ADAMTSL1: variants seen among roughly 807,000 people sequenced by gnomAD.
ADAMTSL1 encodes ADAMTS-like protein 1.
A neutral mutation model predicts 201.8 loss-of-function variants in ADAMTSL1; 126 were observed. That is an observed-to-expected ratio of 0.62 (90% confidence interval 0.54 to 0.72). ADAMTSL1 has a LOEUF of 0.72. ADAMTSL1 is among the 30% of genes least tolerant of loss of function. The pLI, the probability that ADAMTSL1 is intolerant of heterozygous loss-of-function variation, is 0.00. For missense variants in ADAMTSL1, 2,679 were observed against 2,277.8 expected (o/e 1.18, Z -3.59); for synonymous variants, 1,121 against 903.4 (o/e 1.24, Z -4.32).
rs555889116 is a variant in ADAMTSL1 at position 18,179,473 on chromosome 9, C to A, written c.207+15492C>A. ...CTCTGCAGGATATTATCCAGGAGAA[C>A]TTCCCCAATCTAGCAAGGCAGGCCA... On this transcript the variant is annotated intron_variant, in intron 2 of 29. Coordinates refer to the ADAMTSL1 transcript ENST00000680146. Among the ~76,000 whole-genome samples, 635 of 152,282 alleles carry A rather than the reference C, an allele frequency of 4.2e-3. 6 individuals are homozygous for A. Among genetic ancestry groups the A allele is most frequent in the African/African-American group, 0.015 (614 of 41,562 alleles).
intron 1 of ADAMTSL1, among the ~76,000 whole-genome samples, chr9:18,110,367 A>C (rs543802338): frequency 5.3e-5 from 8 of 152,310 alleles, no homozygotes; most frequent in South Asian, 2.1e-4. Context: ...CGAATGCTGC[A>C]GGTAGGGAAA....
intron 2 of ADAMTSL1, among the ~76,000 whole-genome samples, chr9:18,464,359 T>C (rs1439282319): frequency 6.6e-6 from 1 of 152,242 alleles, no homozygotes; most frequent in Non-Finnish European, 1.5e-5. Context: ...AACAAAAACC[T>C]GTACAAATGA....
chr9:18,590,483 C>T (rs943972347), intron 4 of ADAMTSL1, among the ~76,000 whole-genome samples: 34 of 151,466 alleles, frequency 2.2e-4, no homozygotes, highest in Non-Finnish European at 4.3e-4. Flanking sequence ...TTTTGTTGAC[C>T]TTTTGTATTA....
At chr9:18,851,517 A>T (rs1826491417) in intron 23 of ADAMTSL1, among the ~76,000 whole-genome samples, 1 of 152,180 alleles carries the variant, frequency 6.6e-6, no homozygotes, top group Non-Finnish European at 1.5e-5. Flanking sequence ...AGCAGAAGTG[A>T]AAGTTTCTTA....
intron 1 of ADAMTSL1, among the ~76,000 whole-genome samples, chr9:18,477,630 T>A (rs1370631050): frequency 6.6e-6 from 1 of 152,240 alleles, no homozygotes; most frequent in African/African-American, 2.4e-5. Flanking sequence ...TCTACACAGA[T>A]TTCTTTTTCT....
intron 1 of ADAMTSL1, among the ~76,000 whole-genome samples, chr9:17,982,667 G>A (rs1456241293): frequency 6.6e-6 from 1 of 152,132 alleles, no homozygotes; most frequent in Admixed American, 6.6e-5. Context: ...ATATAGTCCA[G>A]CAAACTGAGT....
chr9:18,375,178 G>A (rs1005131374), intron 2 of ADAMTSL1, among the ~76,000 whole-genome samples: 12 of 152,150 alleles, frequency 7.9e-5, no homozygotes, highest in East Asian at 3.9e-4. Context: ...CCTCAGTTCC[G>A]CATTAGGAGA....
At chr9:18,698,757 A>G (rs377046634) in intron 13 of ADAMTSL1, among the ~76,000 whole-genome samples, 12 of 152,356 alleles carry the variant, frequency 7.9e-5, no homozygotes, top group African/African-American at 2.6e-4. Context: ...ATTATTTTGA[A>G]TGCCATTGGA....
In ADAMTSL1 at chr9:18,406,383, C is replaced by T. The variant is rs929955497; in HGVS notation, c.208-98446C>T. On this transcript the variant is annotated intron_variant, in intron 2 of 29. Transcript: ENST00000680146. ...TCACTCTGTCGCCCAGGCTGGAGTG[C>T]GGTGGCATGATCTCGGCTCACTGCA... Among the ~76,000 whole-genome samples the T allele has an allele frequency of 4.3e-5, 6 of 140,694 alleles. No individual in the cohort carries two copies. In the South Asian group the frequency reaches 8.8e-4, roughly 21 times the overall value. 92.3% of individuals were successfully genotyped at this position (140,694 alleles called of 152,430 possible).
intron 7 of ADAMTSL1, among the ~76,000 whole-genome samples, chr9:18,649,293 AT>A (rs1248321954): frequency 2.0e-5 from 3 of 151,470 alleles, no homozygotes; most frequent in African/African-American, 7.3e-5. Flanking sequence ...ATTTGTCTAA[AT>A]TTTTTTCAAA....
chr9:18,684,712 T>C lies in ADAMTSL1; in HGVS notation c.1490-4T>C, dbSNP rs747457897. 1.2e-6 allele frequency: 2 copies of C among 1,612,496 alleles called. No individual in the cohort carries two copies. The highest frequency in any genetic ancestry group is 1.7e-6 in the Non-Finnish European group (2 of 1,179,468). On this transcript the variant is annotated splice_polypyrimidine_tract_variant and splice_region_variant and intron_variant, in intron 12 of 28. Coordinates refer to ENST00000380548, the MANE Select transcript of ADAMTSL1 (RefSeq NM_001040272.6). ...TTTTGTATGTGCATGCACTGAATTC[T>C]CAGAGAAACTTCCAGTCGAGGCCAA... is the stretch of plus-strand genomic sequence containing the variant.
chr9:18,085,490 T>C (rs1823712626), intron 1 of ADAMTSL1, among the ~76,000 whole-genome samples: 1 of 151,494 alleles, frequency 6.6e-6, no homozygotes, highest in Non-Finnish European at 1.5e-5. Flanking sequence ...TGCATATATA[T>C]ATATATATAC....
intron 9 of ADAMTSL1, among the ~76,000 whole-genome samples, chr9:18,668,045 A>C (rs1018725392): frequency 3.9e-5 from 6 of 152,112 alleles, no homozygotes; most frequent in Non-Finnish European, 7.4e-5. Context: ...CAAAAAAAAA[A>C]CTCAGTGTAA....
In ADAMTSL1 at chr9:18,905,869, G is replaced by A. The variant is rs1179082867; in HGVS notation, c.4939G>A (p.Glu1647Lys). The change falls in exon 27 of 29, where the codon GAG becomes AAG. Residue 1647 changes from glutamate to lysine, a missense_variant. Transcript: ENST00000380548. ...QTRDGITLPS[E>K]QCSALPRPVS... ...ACGGGATGGCATCACCTTACCATCAGAGCAGTGCAGTGCTCTTCCGAGGTA... is the reference window on the plus strand; with the variant it reads ...ACGGGATGGCATCACCTTACCATCAAAGCAGTGCAGTGCTCTTCCGAGGTA... The A allele has an allele frequency of 1.2e-6, 2 of 1,612,684 alleles. No homozygotes were observed. The highest frequency in any genetic ancestry group is 2.2e-5 in the East Asian group (1 of 44,856).
chr9:18,289,962 T>C (rs968675018), intron 2 of ADAMTSL1, among the ~76,000 whole-genome samples: 2 of 152,194 alleles, frequency 1.3e-5, no homozygotes, highest in Admixed American at 6.5e-5. Flanking sequence ...GAGTGTGTTA[T>C]GGCAAATGGA....
intron 14 of ADAMTSL1, among the ~76,000 whole-genome samples, chr9:18,714,326 G>T (rs1374840640): frequency 1.3e-5 from 2 of 151,026 alleles, no homozygotes; most frequent in African/African-American, 4.9e-5. Context: ...TTTTTTGAAA[G>T]GATCAACAAA....
At chr9:18,063,661 T>C (rs1350540142) in intron 1 of ADAMTSL1, among the ~76,000 whole-genome samples, 2 of 152,200 alleles carry the variant, frequency 1.3e-5, no homozygotes, top group Non-Finnish European at 2.9e-5. Flanking sequence ...ACAGTGATGC[T>C]TACTGTATAC....
At chr9:18,533,348 C>A in intron 3 of ADAMTSL1, 56 bp downstream of exon 3, 1 of 1,495,464 alleles carries the variant, frequency 6.7e-7, no homozygotes, top group Non-Finnish European at 9.1e-7. Context: ...CTGAATGGTG[C>A]TAAGCAGTTT....
intron 9 of ADAMTSL1, among the ~76,000 whole-genome samples, chr9:18,671,133 A>C (rs763820577): frequency 1.3e-5 from 2 of 152,178 alleles, no homozygotes; most frequent in Non-Finnish European, 2.9e-5. Flanking sequence ...TTTTCAGGCT[A>C]TGGTTGAATC....
Sources: gnomAD v4.1 joint callset for allele counts (sites outside exome capture counted in the v4.1 genomes callset) on GRCh38, gnomAD v4.1.1 for gene constraint, MANE v1.5 for transcripts, NCBI Gene and HGNC (gene_info 2026-07-23, HGNC 2026-07-21) for gene names.